The following NAALADL2 variants were observed in gnomAD, a reference collection of about 807,000 sequenced individuals.
NAALADL2 encodes the protein inactive N-acetylated-alpha-linked acidic dipeptidase-like protein 2.
Under a neutral mutation model 87.2 loss-of-function variants are expected in NAALADL2, and 76 were observed. That is an observed-to-expected ratio of 0.87 (90% CI 0.72 to 1.05). NAALADL2 has a LOEUF of 1.05. NAALADL2 is among the 50% of genes least tolerant of loss of function. The pLI is 0.00. For missense variants in NAALADL2, 1,089 were observed against 945.8 expected, an observed-to-expected ratio of 1.15 and a Z score of -1.99; for synonymous variants, 354 against 331.0, an observed-to-expected ratio of 1.07 and a Z score of -0.75.
chr3:175,337,639 C>T (rs1762126189), intron 5 of NAALADL2, among the ~76,000 whole-genome samples: 1 of 152,112 alleles, frequency 6.6e-6, no homozygotes, highest in Non-Finnish European at 1.5e-5. Flanking sequence ...ATTTTGAAGA[C>T]ATAAATTTCT....
intron 2 of NAALADL2, among the ~76,000 whole-genome samples, chr3:175,111,562 A>G (rs1187860608): frequency 2.0e-5 from 3 of 151,702 alleles, no homozygotes; most frequent in African/African-American, 7.3e-5. Flanking sequence ...CTACTGACAT[A>G]ATTTTTAGGA....
intron 1 of NAALADL2, among the ~76,000 whole-genome samples, chr3:174,872,856 A>G (rs16865407): frequency 3.3e-5 from 5 of 152,026 alleles, no homozygotes; most frequent in African/African-American, 4.8e-5. Context: ...TAATACTGTG[A>G]TGCCTTGTTT....
At chr3:174,513,507 A>C (rs2108395888) in intron 1 of NAALADL2, 1 of 152,272 alleles carries the variant, frequency 6.6e-6, no homozygotes, top group South Asian at 2.1e-4. Context: ...TTGTTTCCAA[A>C]GATTGGTAAG....
chr3:175,172,259 C>CATAT (rs58104638), intron 2 of NAALADL2, among the ~76,000 whole-genome samples: 166 of 151,328 alleles, frequency 1.1e-3, no homozygotes, highest in African/African-American at 3.2e-3. Context: ...TATGTATCTT[C>CATAT]ATATATATAT....
chr3:175,185,459 A>G (rs1007250448), intron 2 of NAALADL2, among the ~76,000 whole-genome samples: 1 of 152,072 alleles, frequency 6.6e-6, no homozygotes, highest in Non-Finnish European at 1.5e-5. Context: ...ATTATCATAA[A>G]TATAAATTGA....
intron 1 of NAALADL2, among the ~76,000 whole-genome samples, chr3:175,033,984 C>T (rs894925311): frequency 4.6e-5 from 7 of 152,128 alleles, no homozygotes; most frequent in Non-Finnish European, 7.4e-5. Context: ...CCACTGTGTA[C>T]GGCCAAACCT....
intron 1 of NAALADL2, among the ~76,000 whole-genome samples, chr3:175,046,390 C>T (rs778350409): frequency 1.3e-5 from 2 of 152,118 alleles, no homozygotes; most frequent in South Asian, 2.1e-4. Flanking sequence ...TATTTGTTTA[C>T]GTTAGTTTAG....
chr3:175,755,404 A>G lies in NAALADL2; in HGVS notation c.2175A>G (p.Pro725=). The change falls in exon 13 of 14, where the codon CCA becomes CCG. Residue 725 remains proline (P), a synonymous_variant. Coordinates refer to ENST00000454872, the MANE Select transcript of NAALADL2 (RefSeq NM_207015.3). The part of the protein sequence containing the change: ...MEKSFLVKQA[P]PGFYRNILYH... The stretch of plus-strand genomic sequence containing the variant: ...AAAGCTTTCTGGTAAAGCAGGCACC[A>G]CCAGGTTTTTATAGGTAGGATGCAT... 1.3e-6 allele frequency: 2 copies of G among 1,597,162 alleles called. No individual in the cohort carries two copies. Among genetic ancestry groups the G allele is most frequent in the Non-Finnish European group, 1.7e-6 (2 of 1,170,648 alleles).
intron 11 of NAALADL2, among the ~76,000 whole-genome samples, chr3:175,660,145 C>T (rs965690944): frequency 6.6e-6 from 1 of 152,110 alleles, no homozygotes. Context: ...TAATCCTGTT[C>T]ATGGGCTCCA....
At chr3:175,634,951 A>G (rs1435051693) in intron 11 of NAALADL2, among the ~76,000 whole-genome samples, 1 of 152,042 alleles carries the variant, frequency 6.6e-6, no homozygotes, top group Non-Finnish European at 1.5e-5. Flanking sequence ...TTTCAATGCG[A>G]AGGTTGTACT....
intron 2 of NAALADL2, among the ~76,000 whole-genome samples, chr3:175,102,748 A>G (rs1282142292): frequency 6.6e-6 from 1 of 152,212 alleles, no homozygotes; most frequent in Non-Finnish European, 1.5e-5. Context: ...CTGTGAAATG[A>G]TCTTTATAAG....
At chr3:175,330,238 A>G (rs962999957) in intron 5 of NAALADL2, among the ~76,000 whole-genome samples, 9 of 152,216 alleles carry the variant, frequency 5.9e-5, no homozygotes, top group Non-Finnish European at 1.2e-4. Flanking sequence ...ATTAGTTTAA[A>G]AATTTTGTAG....
At chr3:175,050,593 C>T (rs187760441) in intron 1 of NAALADL2, among the ~76,000 whole-genome samples, 64 of 152,250 alleles carry the variant, frequency 4.2e-4, no homozygotes, top group Non-Finnish European at 6.3e-4. Context: ...TATCAATTCA[C>T]TCATGGGAAA....
chr3:175,009,099 G>T (rs545113544), intron 1 of NAALADL2, among the ~76,000 whole-genome samples: 11 of 152,170 alleles, frequency 7.2e-5, no homozygotes, highest in African/African-American at 2.4e-4. Context: ...TCAGAACCAC[G>T]TGGAGAGCTT....
At chr3:175,684,435 A>G (rs1409506919) in intron 11 of NAALADL2, among the ~76,000 whole-genome samples, 2 of 152,196 alleles carry the variant, frequency 1.3e-5, no homozygotes, top group Non-Finnish European at 1.5e-5. Flanking sequence ...CCAAAAGTAG[A>G]TTATATAAAG....
chr3:175,788,947 AG>A (rs1188290107), intron 13 of NAALADL2, among the ~76,000 whole-genome samples: 10 of 152,336 alleles, frequency 6.6e-5, no homozygotes, highest in African/African-American at 2.2e-4. Flanking sequence ...TTTCTGAGGA[AG>A]GGAAGATAAA....
At chr3:175,745,425 C>A (rs569153018) in intron 12 of NAALADL2, among the ~76,000 whole-genome samples, 2 of 152,110 alleles carry the variant, frequency 1.3e-5, no homozygotes, top group Non-Finnish European at 2.9e-5. Context: ...GTTCCAGGAA[C>A]TCTCTCAAAT....
intron 5 of NAALADL2, among the ~76,000 whole-genome samples, chr3:175,336,731 T>C (rs1762019365): frequency 6.6e-6 from 1 of 152,184 alleles, no homozygotes. Flanking sequence ...GGAAAATCAG[T>C]GTATCCCAAC....
chr3:174,712,730 G>C (rs1181633962), intron 2 of NAALADL2, among the ~76,000 whole-genome samples: 1 of 151,874 alleles, frequency 6.6e-6, no homozygotes, highest in African/African-American at 2.4e-5. Context: ...AAAAGAAGAA[G>C]ATATTCCTTT....
Sources: gnomAD v4.1 joint callset for allele counts (sites outside exome capture counted in the v4.1 genomes callset) on GRCh38, gnomAD v4.1.1 for gene constraint, MANE v1.5 for transcripts, NCBI Gene and HGNC (gene_info 2026-07-23, HGNC 2026-07-21) for gene names.